The following RLF variants were observed in gnomAD, a reference collection of about 807,000 sequenced individuals.
RLF encodes RLF zinc finger, also known as zinc finger protein Rlf.
A neutral mutation model predicts 162.9 loss-of-function variants in RLF; 7 were observed. The ratio of observed to expected loss-of-function variants is 0.04; its 90% CI spans 0.02 to 0.08. The LOEUF is 0.08. Among genes scored for constraint, RLF ranks in the 10% least tolerant of loss-of-function variants. The pLI is 1.00. For missense variants in RLF, 1,664 were observed against 2,244.7 expected (o/e 0.74, Z 5.23); for synonymous variants, 782 against 791.5 (o/e 0.99, Z 0.20).
intron 1 of RLF, among the ~76,000 whole-genome samples, chr1:40,178,413 A>T (rs545657724): frequency 1.2e-4 from 18 of 152,242 alleles, no homozygotes; most frequent in African/African-American, 4.3e-4. Flanking sequence ...GAGAATGGAG[A>T]GTTGTTTTTT....
At chr1:40,193,291 T>G (rs1477402622) in intron 3 of RLF, among the ~76,000 whole-genome samples, 1 of 152,192 alleles carries the variant, frequency 6.6e-6, no homozygotes, top group Non-Finnish European at 1.5e-5. Context: ...TTAACATTAT[T>G]TTTAAAAAAT....
intron 5 of RLF, among the ~76,000 whole-genome samples, chr1:40,218,903 C>T (rs16827061): frequency 0.06 from 9,064 of 152,160 alleles, 343 homozygotes; most frequent in South Asian, 0.12. Context: ...TTCTTTAAAA[C>T]ACGTGTTCAG....
At chr1:40,182,753 G>GTAGATAGATAGATAGATAGA (rs10591738) in intron 1 of RLF, among the ~76,000 whole-genome samples, 1 of 148,762 alleles carries the variant, frequency 6.7e-6, no homozygotes, top group African/African-American at 2.5e-5. Flanking sequence ...AGATAGATAG[G>GTAGATAGATAGATAGATAGA]TAGATAGATA....
rs1317456956 is a variant in RLF, at chr1:40,169,618, G to A, written c.237+7982G>A. On this transcript the variant is annotated intron_variant, in intron 1 of 7. Coordinates refer to ENST00000372771, the MANE Select transcript of RLF (RefSeq NM_012421.4). ...AGCCTGGGCGACAGAGCGAGACTCC[G>A]TCTCAAAAAAAAAAAAAAAAAAAAA... is the stretch of plus-strand genomic sequence containing the variant. Among the ~76,000 whole-genome samples, 5 of 95,346 alleles carry A rather than the reference G, an allele frequency of 5.2e-5. No homozygotes were observed. The East Asian group carries it at 9.8e-4, about 19-fold the overall frequency. 62.6% of individuals were successfully genotyped at this position (95,346 alleles called of 152,430 possible). A position where few individuals can be genotyped will look rare whatever the true frequency, so the allele number is the denominator to read the frequency against.
At chr1:40,187,125 A>G (rs1209875610) in intron 1 of RLF, among the ~76,000 whole-genome samples, 3 of 151,580 alleles carry the variant, frequency 2.0e-5, no homozygotes, top group African/African-American at 4.9e-5. Flanking sequence ...TCCGCCTCCC[A>G]GGTTCAAGCG....
intron 6 of RLF, among the ~76,000 whole-genome samples, chr1:40,225,055 T>A (rs913151558): frequency 5.3e-5 from 8 of 152,164 alleles, no homozygotes; most frequent in African/African-American, 1.9e-4. Flanking sequence ...ATAGATCTTT[T>A]GTTATGCTTG....
At chr1:40,221,649 C>T (rs1348560981) in intron 5 of RLF, among the ~76,000 whole-genome samples, 2 of 151,480 alleles carry the variant, frequency 1.3e-5, no homozygotes, top group African/African-American at 2.4e-5. Context: ...GACTGTAATC[C>T]CAGCACTTTG....
At position 40,172,044 on chromosome 1, in the gene RLF, G is replaced by T. The variant is rs566639382; in HGVS notation, c.237+10408G>T. ...GTAGACATCTTTTCACGTAGAATAT[G>T]TGTAGACTTACTGTATTTAAGAAAT... On this transcript the variant is annotated intron_variant, in intron 1 of 7. Coordinates refer to ENST00000372771, the MANE Select transcript of RLF (RefSeq NM_012421.4). Among the ~76,000 whole-genome samples the T allele has an allele frequency of 1.3e-3, 193 of 152,294 alleles. 1 individual carries two copies. The highest frequency in any genetic ancestry group is 4.4e-3 in the African/African-American group (182 of 41,568).
chr1:40,232,817 G>A (rs777663354), intron 7 of RLF, among the ~76,000 whole-genome samples: 4 of 152,076 alleles, frequency 2.6e-5, no homozygotes, highest in East Asian at 1.9e-4. Context: ...CAATCCTCCC[G>A]TCTCAGCCTC....
In RLF at chr1:40,237,347, C is replaced by A; in HGVS notation, c.2645C>A (p.Thr882Lys). ...GAATCAGCTAATTCTCAAATAGATA[C>A]AGAAACTGCAGAAAACCTGAAAGAA... ...CAESANSQIDTETAENLKENS... is the reference protein window; with the variant it reads ...CAESANSQIDKETAENLKENS... The change falls in exon 8 of 8, where the codon ACA (threonine) becomes AAA (lysine). Residue 882 changes from threonine to lysine, a missense_variant. Coordinates refer to ENST00000372771, the MANE Select transcript of RLF (RefSeq NM_012421.4). The surrounding 1 kb of genome is among the most constrained non-coding windows in gnomAD (Gnocchi z 4.4). 6.2e-7 allele frequency: 1 copy of A among 1,613,742 alleles called. No homozygotes were observed. The highest frequency in any genetic ancestry group is 8.5e-7 in the Non-Finnish European group (1 of 1,179,878).
chr1:40,214,416 C>T (rs1299345314), intron 5 of RLF, among the ~76,000 whole-genome samples: 1 of 152,144 alleles, frequency 6.6e-6, no homozygotes, highest in African/African-American at 2.4e-5. Flanking sequence ...AAGAATATCA[C>T]CTTTGACCTC....
chr1:40,183,875 C>G (rs773976564), intron 1 of RLF, among the ~76,000 whole-genome samples: 5 of 152,158 alleles, frequency 3.3e-5, no homozygotes, highest in Non-Finnish European at 7.3e-5. Flanking sequence ...TAGGAAGTGC[C>G]TAACCCATAC....
intron 1 of RLF, among the ~76,000 whole-genome samples, chr1:40,162,563 G>T (rs979418399): frequency 2.0e-5 from 3 of 152,214 alleles, no homozygotes; most frequent in African/African-American, 7.2e-5. Flanking sequence ...TGGCATGTTG[G>T]TACTTGGAGT....
intron 1 of RLF, among the ~76,000 whole-genome samples, chr1:40,170,550 C>T (rs865907179): frequency 6.6e-6 from 1 of 152,116 alleles, no homozygotes; most frequent in Admixed American, 6.6e-5. Flanking sequence ...GCCCGGCCTC[C>T]TTTCATTCTT....
chr1:40,217,271 A>G (rs1468859096), intron 5 of RLF, among the ~76,000 whole-genome samples: 4 of 152,030 alleles, frequency 2.6e-5, no homozygotes, highest in African/African-American at 4.8e-5. Context: ...TTCAAGACCA[A>G]CCTCGGCAAC....
At chr1:40,224,657 T>G (rs1248052040) in intron 6 of RLF, among the ~76,000 whole-genome samples, 1 of 113,108 alleles carries the variant, frequency 8.8e-6, no homozygotes, top group African/African-American at 3.5e-5. Context: ...TTTTTTTTGG[T>G]AGTGGGATGC....
At chr1:40,191,029 T>A (rs1198960016) in intron 3 of RLF, among the ~76,000 whole-genome samples, 176 bp downstream of exon 3, 1 of 152,188 alleles carries the variant, frequency 6.6e-6, no homozygotes, top group Non-Finnish European at 1.5e-5. Context: ...ATGGGTTTTT[T>A]AAATTTGGTT....
In RLF at chr1:40,238,743, C is replaced by A; in HGVS notation, c.4041C>A (p.Asp1347Glu). 6.2e-7 allele frequency: 1 copy of A among 1,613,642 alleles called. No homozygotes were observed. Among genetic ancestry groups the A allele is most frequent in the Admixed American group, 1.7e-5 (1 of 59,936 alleles). ...AAGAACAGTTATGTTTGGAGAAAGACAAAGCAAGAACCAAAAGGGAACTTG... is the reference window on the plus strand; with the variant it reads ...AAGAACAGTTATGTTTGGAGAAAGAAAAAGCAAGAACCAAAAGGGAACTTG... ...YNKEQLCLEK[D>E]KARTKRELVK... Residue 1347 changes from aspartate (D) to glutamate (E), a missense_variant, in exon 8 of 8, where the codon GAC (aspartate) becomes GAA (glutamate). By Grantham distance (45) the Asp-to-Glu change is conservative. This residue lies in a region of RLF where 33 missense variants were observed against 73.3 expected (regional missense o/e 0.45). Coordinates refer to ENST00000372771, the MANE Select transcript of RLF (RefSeq NM_012421.4). This position sits in a 1 kb window ranked among gnomAD's most constrained non-coding sequence, Gnocchi z 5.2.
At chr1:40,177,430 C>T (rs746609197) in intron 1 of RLF, among the ~76,000 whole-genome samples, 53 of 152,052 alleles carry the variant, frequency 3.5e-4, no homozygotes, top group Non-Finnish European at 5.9e-4. Flanking sequence ...GCTGGGACTA[C>T]AGGCGCCCGC....
Sources: allele counts gnomAD v4.1 joint callset (sites outside exome capture counted in the v4.1 genomes callset), GRCh38; gene constraint gnomAD v4.1.1; regional missense constraint gnomAD v4.1.1; non-coding constraint Gnocchi (gnomAD v3.1); transcripts MANE v1.5; gene names NCBI Gene and HGNC (gene_info 2026-07-23, HGNC 2026-07-21).